Variants in TTC13 observed in about 807,000 individuals in gnomAD.
TTC13 encodes tetratricopeptide repeat protein 13.
Under a neutral mutation model 120.0 loss-of-function variants are expected in TTC13, and 62 were observed. That is an observed-to-expected ratio of 0.52 (90% CI 0.42 to 0.64). The LOEUF (loss-of-function observed/expected upper bound fraction) is 0.64. Ranked by LOEUF, TTC13 falls within the 30% of genes least tolerant of loss-of-function variation. TTC13 has a pLI of 0.00. For synonymous variants in TTC13, 384 were observed against 393.5 expected (o/e 0.98, Z 0.28); for missense variants, 824 against 1,050.2 (o/e 0.78, Z 2.98).
At position 230,942,905 on chromosome 1, in the gene TTC13, T is replaced by C. The variant is rs1285458556; in HGVS notation, c.672+901A>G. Among the ~76,000 whole-genome samples, 1 of 152,226 alleles carries C rather than the reference T, an allele frequency of 6.6e-6. No individual in the cohort carries two copies. Among genetic ancestry groups the C allele is most frequent in the Non-Finnish European group, 1.5e-5 (1 of 68,036 alleles). ...CAAAGAAGCGCCTCCTCTGTCTACT[T>C]GAGCCAGTATTACATGGCATCTTCA... On this transcript the variant is annotated intron_variant, in intron 6 of 22. Coordinates refer to ENST00000366661, the MANE Select transcript of TTC13 (RefSeq NM_024525.5). This position sits in a 1 kb window ranked among gnomAD's most constrained non-coding sequence, Gnocchi z 4.0.
chr1:230,915,950 T>A (rs551930006), intron 18 of TTC13, among the ~76,000 whole-genome samples: 119 of 152,220 alleles, frequency 7.8e-4, no homozygotes, highest in Non-Finnish European at 1.5e-3. Context: ...TCCCACAAAC[T>A]ACATCATACA....
intron 8 of TTC13, among the ~76,000 whole-genome samples, chr1:230,938,140 C>T (rs1158652494): frequency 6.6e-6 from 1 of 152,206 alleles, no homozygotes; most frequent in African/African-American, 2.4e-5. Context: ...AATACATATC[C>T]CTGCCACACA....
At chr1:230,919,432 G>GGCTC (rs1408741154) in intron 17 of TTC13, among the ~76,000 whole-genome samples, 1 of 152,092 alleles carries the variant, frequency 6.6e-6, no homozygotes, top group Non-Finnish European at 1.5e-5. Flanking sequence ...CATTCATGAG[G>GGCTC]GCTCTGCCAT....
chr1:230,958,483 G>C (rs1301241346), intron 2 of TTC13, among the ~76,000 whole-genome samples, 184 bp from the exon 3 acceptor site: 1 of 152,198 alleles, frequency 6.6e-6, no homozygotes, highest in Non-Finnish European at 1.5e-5. Context: ...TTGATGACGA[G>C]AGGGAAACTC....
rs777402164 is a variant in TTC13 at position 230,920,563 on chromosome 1, G to A, written c.1930C>T (p.Arg644Trp). Residue 644 changes from arginine to tryptophan, a missense_variant, in exon 17 of 23, where the codon CGG (arginine) becomes TGG (tryptophan). Arg to Trp is a moderately radical substitution (Grantham distance 101, BLOSUM62 -3). Transcript: ENST00000366661. Reference protein sequence around the residue: ...ANNPKGLLEVREALEKVHKVE... With the variant: ...ANNPKGLLEVWEALEKVHKVE... ...TTGTGTACCTTTTCCAGGGCTTCCC[G>A]AACTTCCAGCAATCCTTTAGGATTA... 9.4e-6 allele frequency: 15 copies of A among 1,597,378 alleles called. No individual in the cohort carries two copies. Among genetic ancestry groups the A allele is most frequent in the Admixed American group, 5.3e-5 (3 of 56,582 alleles).
intron 17 of TTC13, among the ~76,000 whole-genome samples, chr1:230,919,862 C>T (rs1036352359): frequency 2.0e-5 from 3 of 152,174 alleles, no homozygotes; most frequent in African/African-American, 7.2e-5. Context: ...GCTCAGCTTT[C>T]GTTCCCACAG....
chr1:230,949,807 A>G (rs539745990), intron 4 of TTC13, among the ~76,000 whole-genome samples: 13 of 152,124 alleles, frequency 8.5e-5, no homozygotes, highest in South Asian at 2.1e-4. Context: ...CACCATGCCC[A>G]GCTAATTTTG....
In TTC13 at chr1:230,942,665, C is replaced by T. The variant is rs542484103; in HGVS notation, c.672+1141G>A. On this transcript the variant is annotated intron_variant, in intron 6 of 22. Transcript: ENST00000366661. The surrounding 1 kb of genome is among the most constrained non-coding windows in gnomAD (Gnocchi z 4.0). ...TTTATTCAGACTAAATACATTAACA[C>T]ATATGAAGCCTAGATAGCTTATTAT... is the stretch of plus-strand genomic sequence containing the variant. 1.3e-5 allele frequency among the ~76,000 whole-genome samples: 2 copies of T among 152,204 alleles called. No individual in the cohort carries two copies. Among genetic ancestry groups the T allele is most frequent in the Non-Finnish European group, 2.9e-5 (2 of 68,030 alleles).
intron 1 of TTC13, among the ~76,000 whole-genome samples, chr1:230,976,475 A>G (rs1678321232): frequency 6.6e-6 from 1 of 152,166 alleles, no homozygotes; most frequent in Non-Finnish European, 1.5e-5. Context: ...CTTTTGTCGC[A>G]TACTGCAGCC....
Position 230,967,403 on chromosome 1 carries a change from ATT to A in TTC13, c.272-6102_272-6101del, listed in dbSNP as rs66487730. ...TATAAAAGAAGTATTTTCCTATTCTATTTTTTTTTTTACCAGAAACTTTAAAT... is the reference window on the plus strand; with the variant it reads ...TATAAAAGAAGTATTTTCCTATTCTATTTTTTTTTACCAGAAACTTTAAAT... On this transcript the variant is annotated intron_variant, in intron 1 of 22. Transcript: ENST00000366661. 4.0e-5 allele frequency among the ~76,000 whole-genome samples: 6 copies of A among 149,572 alleles called. 1 individual carries two copies. In the South Asian group the frequency reaches 1.3e-3, roughly 32 times the overall value.
chr1:230,970,568 G>C (rs149230236), intron 1 of TTC13, among the ~76,000 whole-genome samples: 339 of 152,344 alleles, frequency 2.2e-3, no homozygotes, highest in African/African-American at 7.8e-3. Context: ...CAGTCCATCT[G>C]CGGGCAGGCC....
intron 1 of TTC13, among the ~76,000 whole-genome samples, chr1:230,970,744 G>A (rs1485651133): frequency 6.6e-6 from 1 of 152,148 alleles, no homozygotes; most frequent in Non-Finnish European, 1.5e-5. Flanking sequence ...CTTATAAGTG[G>A]CAAACCCATG....
At chr1:230,921,798 C>T (rs1465849747) in intron 15 of TTC13, among the ~76,000 whole-genome samples, 6 of 152,162 alleles carry the variant, frequency 3.9e-5, no homozygotes, top group African/African-American at 2.4e-5. Context: ...TTCATATCAG[C>T]GTCCTCTGAC....
chr1:230,973,283 A>C (rs1677947312), intron 1 of TTC13, among the ~76,000 whole-genome samples: 1 of 152,194 alleles, frequency 6.6e-6, no homozygotes, highest in East Asian at 1.9e-4. Flanking sequence ...AAAAAGACTG[A>C]CTTCATGTAT....
chr1:230,943,766 A>C, intron 6 of TTC13, 40 bp downstream of exon 6: 1 of 1,494,378 alleles, frequency 6.7e-7, no homozygotes, highest in Non-Finnish European at 9.1e-7. Flanking sequence ...AGATTCAACT[A>C]ATCCAATAAT....
At chr1:230,967,311 C>A (rs1003607789) in intron 1 of TTC13, among the ~76,000 whole-genome samples, 1 of 152,092 alleles carries the variant, frequency 6.6e-6, no homozygotes, top group African/African-American at 2.4e-5. Context: ...TTTCACCTAA[C>A]ATTTATCAAC....
In TTC13 at chr1:230,925,604, G is replaced by C. The variant is rs943203649; in HGVS notation, c.1501C>G (p.Gln501Glu). 1 of 1,613,924 alleles carries C rather than the reference G, an allele frequency of 6.2e-7. No individual in the cohort carries two copies. Among genetic ancestry groups the C allele is most frequent in the African/African-American group, 1.3e-5 (1 of 74,916 alleles). Reference protein sequence around the residue: ...QNFESYKPEVQELICVADRLG... With the variant: ...QNFESYKPEVEELICVADRLG... ...CGATCAGCCACACAAATCAGCTCCT[G>C]TACTTCAGGCTTATAACTCTCAAAA... Residue 501 changes from glutamine (Q) to glutamate (E), a missense_variant, in exon 13 of 23, where the codon CAG (glutamine) becomes GAG (glutamate). By Grantham distance (29) the Gln-to-Glu change is conservative. Coordinates refer to ENST00000366661, the MANE Select transcript of TTC13 (RefSeq NM_024525.5).
rs1464662273 is a variant in TTC13 at position 230,944,695 on chromosome 1, T to C, written c.579+694A>G. On this transcript the variant is annotated intron_variant, in intron 5 of 22. Transcript: ENST00000366661. The surrounding 1 kb of genome is among the most constrained non-coding windows in gnomAD (Gnocchi z 4.0). The stretch of plus-strand genomic sequence containing the variant: ...AAAAATGTTAAACATTTTTAATATT[T>C]TAATGTAAAAGTTGCAAAAGTGGCA... Among the ~76,000 whole-genome samples, 3 of 152,122 alleles carry C rather than the reference T, an allele frequency of 2.0e-5. No individual in the cohort carries two copies. The highest frequency in any genetic ancestry group is 1.5e-5 in the Non-Finnish European group (1 of 68,022).
chr1:230,909,146 G>A (rs950914714), intron 20 of TTC13, 126 bp from the exon 21 acceptor site: 17 of 737,536 alleles, frequency 2.3e-5, no homozygotes, highest in Admixed American at 2.8e-5. Context: ...ATAAAACACC[G>A]AATGTTTCAT....
Sources: allele counts gnomAD v4.1 joint callset (sites outside exome capture counted in the v4.1 genomes callset), GRCh38; gene constraint gnomAD v4.1.1; non-coding constraint Gnocchi (gnomAD v3.1); transcripts MANE v1.5; gene names NCBI Gene and HGNC (gene_info 2026-07-23, HGNC 2026-07-21).